SUPT3H: variants seen among roughly 807,000 people sequenced by gnomAD.
SUPT3H encodes transcription initiation protein SPT3 homolog.
Under a neutral mutation model 44.3 loss-of-function variants are expected in SUPT3H, and 44 were observed. The observed-to-expected ratio is 0.99, with a 90% CI of 0.78 to 1.28. The LOEUF (loss-of-function observed/expected upper bound fraction) is 1.28. Among genes scored for constraint, SUPT3H ranks in the 50% most tolerant of loss-of-function variants. SUPT3H has a pLI of 0.00. For synonymous variants in SUPT3H, 124 were observed against 125.6 expected (o/e 0.99, Z 0.09); for missense variants, 380 against 387.1 (o/e 0.98, Z 0.15).
intron 2 of SUPT3H, among the ~76,000 whole-genome samples, chr6:45,123,500 T>TA (rs536019409): frequency 2.6e-4 from 40 of 151,748 alleles, no homozygotes; most frequent in Non-Finnish European, 3.4e-4. Flanking sequence ...AGGCCTCCCA[T>TA]AGTGCTGGGA....
intron 2 of SUPT3H, among the ~76,000 whole-genome samples, chr6:45,158,197 C>A (rs1808177699): frequency 1.8e-5 from 2 of 108,888 alleles, no homozygotes; most frequent in South Asian, 3.0e-4. Flanking sequence ...GGGTAGAAAC[C>A]ATAGAGATAG....
chr6:45,360,911 TC>T, intron 2 of SUPT3H, among the ~76,000 whole-genome samples: 1 of 152,272 alleles, frequency 6.6e-6, no homozygotes, highest in South Asian at 2.1e-4. Flanking sequence ...AATATTTGTC[TC>T]CTTCTCTACT....
intron 1 of SUPT3H, among the ~76,000 whole-genome samples, chr6:45,375,662 G>C (rs1482898731): frequency 3.9e-5 from 6 of 152,162 alleles, no homozygotes; most frequent in Middle Eastern, 3.4e-3. Flanking sequence ...TCTGGCCTCA[G>C]CCTCCCAAAG....
At chr6:45,245,905 C>T (rs1187079195) in intron 2 of SUPT3H, among the ~76,000 whole-genome samples, 1 of 152,122 alleles carries the variant, frequency 6.6e-6, no homozygotes, top group Non-Finnish European at 1.5e-5. Context: ...ACCAGCCATG[C>T]AGAAGTGTTC....
At chr6:44,978,263 T>C (rs150254029) in intron 6 of SUPT3H, among the ~76,000 whole-genome samples, 112 of 152,316 alleles carry the variant, frequency 7.4e-4, no homozygotes, top group Non-Finnish European at 1.4e-3. Flanking sequence ...CTGAGCCAGG[T>C]ATATTACATA....
chr6:45,132,512 G>C (rs975619742), intron 2 of SUPT3H, among the ~76,000 whole-genome samples: 1 of 152,106 alleles, frequency 6.6e-6, no homozygotes, highest in African/African-American at 2.4e-5. Context: ...TTGACCACTA[G>C]ACCTTTCCTG....
chr6:45,140,023 G>C (rs1193906273), intron 2 of SUPT3H, among the ~76,000 whole-genome samples: 3 of 152,152 alleles, frequency 2.0e-5, no homozygotes, highest in Admixed American at 2.0e-4. Flanking sequence ...GGCAAGGTCT[G>C]AGCGGGGTAC....
chr6:45,236,312 G>C (rs1480599945), intron 2 of SUPT3H, among the ~76,000 whole-genome samples: 3 of 152,076 alleles, frequency 2.0e-5, no homozygotes, highest in Non-Finnish European at 4.4e-5. Flanking sequence ...GAACTAAGCT[G>C]GAGGACACCC....
rs1363543780 is a variant in SUPT3H, at chr6:45,230,684, A to ATTT, written c.102-124679_102-124678insAAA. ...AGTCTATATATATATATATATATAT[A>ATTT]TATTTTTGAGATGGAGTCTTGCTCT... On this transcript the variant is annotated intron_variant, in intron 2 of 10. Transcript: ENST00000371459. Among the ~76,000 whole-genome samples, 15 of 101,082 alleles carry ATTT rather than the reference A, an allele frequency of 1.5e-4. 1 individual carries two copies. The highest frequency in any genetic ancestry group is 3.4e-4 in the South Asian group (1 of 2,978). The allele number at this position is 101,082 out of a possible 152,430, so 66.3% of individuals were successfully genotyped here.
intron 2 of SUPT3H, among the ~76,000 whole-genome samples, chr6:45,293,082 G>A (rs1419904255): frequency 1.3e-5 from 2 of 151,962 alleles, no homozygotes; most frequent in East Asian, 3.9e-4. Flanking sequence ...ACCACACAAT[G>A]GGGCACAAAA....
chr6:45,033,075 A>AC (rs1331946045), intron 3 of SUPT3H, among the ~76,000 whole-genome samples: 23 of 152,252 alleles, frequency 1.5e-4, no homozygotes, highest in African/African-American at 5.5e-4. Flanking sequence ...ACTCACCAAA[A>AC]CAAAAAAGCA....
chr6:44,978,662 T>C (rs1215535845), intron 6 of SUPT3H, among the ~76,000 whole-genome samples: 1 of 152,192 alleles, frequency 6.6e-6, no homozygotes, highest in Non-Finnish European at 1.5e-5. Context: ...CTCATCTGTC[T>C]GGGAAGGTCA....
intron 10 of SUPT3H, among the ~76,000 whole-genome samples, chr6:44,884,344 T>C (rs931976494): frequency 1.3e-5 from 2 of 152,090 alleles, no homozygotes; most frequent in Middle Eastern, 3.2e-3. Context: ...CATTAAAAAG[T>C]CAGGAAACAA....
intron 2 of SUPT3H, among the ~76,000 whole-genome samples, chr6:45,125,998 G>A (rs1441702651): frequency 6.6e-6 from 1 of 151,998 alleles, no homozygotes; most frequent in African/African-American, 2.4e-5. Flanking sequence ...AATTTTCTGA[G>A]ACCCAAACAT....
rs138044273 is a variant in SUPT3H at position 45,141,302 on chromosome 6, G to A, written c.102-35296C>T. ...TTGCAGTGAGCTGGGTTGTGCCACT[G>A]CACTCCAGCCTGGGAGACAGAGCAA... On this transcript the variant is annotated intron_variant, in intron 2 of 10. Coordinates refer to ENST00000371459, the MANE Select transcript of SUPT3H (RefSeq NM_003599.4). Among the ~76,000 whole-genome samples the A allele has an allele frequency of 7.9e-4, 88 of 112,096 alleles. 1 individual carries two copies. Among genetic ancestry groups the A allele is most frequent in the African/African-American group, 2.8e-3 (80 of 28,486 alleles). 73.5% of individuals were successfully genotyped at this position (112,096 alleles called of 152,430 possible). A position where few individuals can be genotyped will look rare whatever the true frequency, so the allele number is the denominator to read the frequency against.
chr6:44,902,011 C>A (rs1328003704), intron 10 of SUPT3H, among the ~76,000 whole-genome samples: 1 of 152,118 alleles, frequency 6.6e-6, no homozygotes, highest in South Asian at 2.1e-4. Flanking sequence ...CCTAAAAGAG[C>A]TCCTGAAGGA....
At chr6:45,217,971 G>A (rs1303077680) in intron 2 of SUPT3H, among the ~76,000 whole-genome samples, 1 of 151,480 alleles carries the variant, frequency 6.6e-6, no homozygotes, top group East Asian at 1.9e-4. Context: ...TACACAGGAA[G>A]GCAAAAAGAA....
intron 2 of SUPT3H, among the ~76,000 whole-genome samples, chr6:45,284,229 G>C (rs1778766373): frequency 1.3e-5 from 2 of 152,068 alleles, no homozygotes; most frequent in Non-Finnish European, 2.9e-5. Context: ...CAGAAGGCAA[G>C]AAATAACTAA....
chr6:45,166,316 C>T (rs1015028613), intron 2 of SUPT3H, among the ~76,000 whole-genome samples: 1 of 151,914 alleles, frequency 6.6e-6, no homozygotes, highest in Admixed American at 6.6e-5. Context: ...GGGCCAGGTG[C>T]GATGGCTCAC....
Sources: allele counts gnomAD v4.1 joint callset (sites outside exome capture counted in the v4.1 genomes callset), GRCh38; gene constraint gnomAD v4.1.1; transcripts MANE v1.5; gene names NCBI Gene and HGNC (gene_info 2026-07-23, HGNC 2026-07-21).